Variants in PPP3CA observed in about 807,000 individuals in gnomAD.
PPP3CA encodes protein phosphatase 3 catalytic subunit alpha.
PPP3CA carries 14 observed loss-of-function variants against 66.5 expected under a neutral mutation model. The ratio of observed to expected loss-of-function variants is 0.21; its 90% confidence interval spans 0.14 to 0.33. The LOEUF is 0.33. Ranked by LOEUF, PPP3CA falls within the 10% of genes least tolerant of loss-of-function variation. The probability of loss-of-function intolerance (pLI) is 1.00; values close to 1 mark genes in which losing one functional copy is unlikely to be tolerated. For missense variants in PPP3CA, 317 were observed against 639.5 expected (o/e 0.50, Z 5.44); for synonymous variants, 232 against 226.2 (o/e 1.03, Z -0.23).
intron 1 of PPP3CA, among the ~76,000 whole-genome samples, chr4:101,225,945 G>A (rs2851008): frequency 0.85 from 128,941 of 151,730 alleles, 55,458 homozygotes; most frequent in African/African-American, 0.96. Context: ...CATGATGAGC[G>A]TGACAAAACC....
chr4:101,145,819 A>G (rs970348748), intron 2 of PPP3CA, among the ~76,000 whole-genome samples: 5 of 152,222 alleles, frequency 3.3e-5, no homozygotes, highest in African/African-American at 9.6e-5. Context: ...AAGAAATAAC[A>G]TCACTGAAGT....
At chr4:101,140,239 T>C (rs1722760834) in intron 2 of PPP3CA, among the ~76,000 whole-genome samples, 1 of 152,232 alleles carries the variant, frequency 6.6e-6, no homozygotes. Flanking sequence ...ACTCATCCTA[T>C]ATTTCTCTTT....
chr4:101,210,823 A>G (rs985335818), intron 1 of PPP3CA, among the ~76,000 whole-genome samples: 38 of 152,182 alleles, frequency 2.5e-4, no homozygotes, highest in African/African-American at 8.9e-4. Flanking sequence ...AAATCATTAG[A>G]CAAGTTCTCT....
rs151315708 is a variant in PPP3CA at position 101,253,709 on chromosome 4, C to T, written c.59-57593G>A. Among the ~76,000 whole-genome samples the T allele has an allele frequency of 4.4e-4, 67 of 152,118 alleles. 1 individual carries two copies. In the East Asian group the frequency reaches 0.011, roughly 25 times the overall value. ...AACATATTTTGATAGATTATGATAA[C>T]GTCATGACTTATATAAGAGCTTACT... On this transcript the variant is annotated intron_variant, in intron 1 of 13. Coordinates refer to ENST00000394854, the MANE Select transcript of PPP3CA (RefSeq NM_000944.5).
chr4:101,322,173 A>T (rs990198413), intron 1 of PPP3CA, among the ~76,000 whole-genome samples: 2 of 152,196 alleles, frequency 1.3e-5, no homozygotes, highest in African/African-American at 4.8e-5. Context: ...TAGATAGCAC[A>T]GTCTATTCGA....
chr4:101,266,646 A>G (rs934075783), intron 1 of PPP3CA, among the ~76,000 whole-genome samples: 2 of 152,168 alleles, frequency 1.3e-5, no homozygotes, highest in African/African-American at 4.8e-5. Flanking sequence ...ACATTGACAG[A>G]CTCAGAGATG....
intron 10 of PPP3CA, 134 bp downstream of exon 10, chr4:101,060,953 T>A: frequency 1.3e-6 from 1 of 755,208 alleles, no homozygotes; most frequent in Non-Finnish European, 2.2e-6. Flanking sequence ...GAAAATGAAA[T>A]CATATCTTTT....
At chr4:101,203,754 A>G (rs942607539) in intron 1 of PPP3CA, among the ~76,000 whole-genome samples, 4 of 152,150 alleles carry the variant, frequency 2.6e-5, no homozygotes, top group African/African-American at 9.7e-5. Flanking sequence ...AATGAGTGAC[A>G]GTCCACAACT....
At chr4:101,073,308 A>C (rs1292939833) in intron 8 of PPP3CA, among the ~76,000 whole-genome samples, 5 of 138,410 alleles carry the variant, frequency 3.6e-5, no homozygotes, top group African/African-American at 5.5e-5. Flanking sequence ...ATGGAGTCTC[A>C]CTCTATTGCC....
Position 101,327,160 on chromosome 4 carries a change from T to C in PPP3CA, c.58+19579A>G, listed in dbSNP as rs777787420. ...GGAAATAATTATTTAAAATAGTGAA[T>C]GTACAGAAAATAATTTACGCACATT... On this transcript the variant is annotated intron_variant, in intron 1 of 13. Coordinates refer to ENST00000394854, the MANE Select transcript of PPP3CA (RefSeq NM_000944.5). 1.4e-4 allele frequency among the ~76,000 whole-genome samples: 21 copies of C among 152,334 alleles called. No individual in the cohort carries two copies. In the South Asian group the frequency reaches 3.7e-3, roughly 27 times the overall value.
At chr4:101,200,799 A>G (rs1223270054) in intron 1 of PPP3CA, among the ~76,000 whole-genome samples, 1 of 152,162 alleles carries the variant, frequency 6.6e-6, no homozygotes, top group African/African-American at 2.4e-5. Context: ...AAGGAAGTGA[A>G]GTCCAGAGAG....
chr4:101,026,478 A>G (rs1270385332), intron 13 of PPP3CA, among the ~76,000 whole-genome samples: 1 of 152,178 alleles, frequency 6.6e-6, no homozygotes. Flanking sequence ...GTATTCCTCC[A>G]TTGTACTAGG....
At chr4:101,185,605 G>GT (rs887968574) in intron 2 of PPP3CA, among the ~76,000 whole-genome samples, 1 of 152,184 alleles carries the variant, frequency 6.6e-6, no homozygotes, top group African/African-American at 2.4e-5. Flanking sequence ...GTTGCATGAT[G>GT]TTGAGGGAAT....
intron 2 of PPP3CA, among the ~76,000 whole-genome samples, chr4:101,166,421 T>C (rs969482256): frequency 2.6e-5 from 4 of 152,206 alleles, no homozygotes; most frequent in Non-Finnish European, 2.9e-5. Context: ...ATTTAATGTT[T>C]ACTCATTTAA....
At chr4:101,111,877 T>C (rs1721682027) in intron 2 of PPP3CA, among the ~76,000 whole-genome samples, 1 of 152,178 alleles carries the variant, frequency 6.6e-6, no homozygotes, top group Admixed American at 6.6e-5. Context: ...AATGGCTGTA[T>C]TTAAAATGTC....
chr4:101,213,721 G>A (rs1364045124), intron 1 of PPP3CA, among the ~76,000 whole-genome samples: 1 of 152,034 alleles, frequency 6.6e-6, no homozygotes, highest in Non-Finnish European at 1.5e-5. Flanking sequence ...TGAAGAAAAC[G>A]AGTTCACATT....
intron 9 of PPP3CA, among the ~76,000 whole-genome samples, chr4:101,061,887 T>C (rs1728477987): frequency 6.6e-6 from 1 of 152,042 alleles, no homozygotes; most frequent in South Asian, 2.1e-4. Context: ...GATTCTACCA[T>C]GCATGTGAAA....
intron 1 of PPP3CA, among the ~76,000 whole-genome samples, chr4:101,328,011 A>C (rs1309143520): frequency 1.3e-5 from 2 of 152,204 alleles, no homozygotes; most frequent in East Asian, 1.9e-4. Flanking sequence ...AGAAAATATG[A>C]ACCTAAGCTG....
intron 2 of PPP3CA, among the ~76,000 whole-genome samples, chr4:101,142,408 T>A (rs1248840875): frequency 6.6e-6 from 1 of 152,166 alleles, no homozygotes; most frequent in Admixed American, 6.5e-5. Flanking sequence ...AGAGGAAAGC[T>A]AAATACAGCC....
Sources: gnomAD v4.1 joint callset for allele counts (sites outside exome capture counted in the v4.1 genomes callset) on GRCh38, gnomAD v4.1.1 for gene constraint, MANE v1.5 for transcripts, NCBI Gene and HGNC (gene_info 2026-07-23, HGNC 2026-07-21) for gene names.